SLCO3A1: variants seen among roughly 807,000 people sequenced by gnomAD.
The protein encoded by SLCO3A1 is PGE1 transporter.
Under a neutral mutation model 63.1 loss-of-function variants are expected in SLCO3A1, and 27 were observed. The ratio of observed to expected loss-of-function variants is 0.43; its 90% CI spans 0.32 to 0.59. SLCO3A1 has a LOEUF of 0.59. SLCO3A1 is among the 20% of genes least tolerant of loss of function. SLCO3A1 has a pLI of 0.09. For missense variants in SLCO3A1, 773 were observed against 945.8 expected, an observed-to-expected ratio of 0.82 and a Z score of 2.40; for synonymous variants, 473 against 409.9, an observed-to-expected ratio of 1.15 and a Z score of -1.86.
At chr15:92,109,945 A>G (rs759942952) in intron 4 of SLCO3A1, among the ~76,000 whole-genome samples, 2 of 152,110 alleles carry the variant, frequency 1.3e-5, no homozygotes, top group Non-Finnish European at 2.9e-5. Flanking sequence ...CTAGTTCTCC[A>G]GATTCCAAAT....
intron 6 of SLCO3A1, among the ~76,000 whole-genome samples, chr15:92,126,697 G>A (rs1055032543): frequency 6.6e-6 from 1 of 152,162 alleles, no homozygotes; most frequent in African/African-American, 2.4e-5. Flanking sequence ...CTTAAGTGTA[G>A]CGAGGGAAAG....
At position 92,104,478 on chromosome 15, in the gene SLCO3A1, C is replaced by G. The variant is rs776828789; in HGVS notation, c.945C>G (p.Ser315Arg). The G allele has an allele frequency of 1.9e-6, 3 of 1,614,032 alleles. No individual in the cohort carries two copies. The highest frequency in any genetic ancestry group is 2.5e-6 in the Non-Finnish European group (3 of 1,180,050). The change falls in exon 4 of 10, where the codon AGC (serine) becomes AGG (arginine). Residue 315 changes from serine to arginine, a missense_variant. Physicochemically the swap from Ser to Arg is moderately radical, Grantham distance 110. This residue lies in a region of SLCO3A1 where 565 missense variants were observed against 749.8 expected (regional missense o/e 0.75). Coordinates refer to ENST00000318445, the MANE Select transcript of SLCO3A1 (RefSeq NM_013272.4). ...GAGAATACGAGAGACCCAAGCCCAG[C>G]AACGGGGTCCTGAGGCACCCCCTGG... ...SEREYERPKP[S>R]NGVLRHPLEP...
intron 9 of SLCO3A1, among the ~76,000 whole-genome samples, chr15:92,152,080 T>G (rs2048312620): frequency 6.6e-6 from 1 of 152,248 alleles, no homozygotes; most frequent in Non-Finnish European, 1.5e-5. Flanking sequence ...GTAATAACTT[T>G]TGCAATATTT....
chr15:92,133,306 C>G (rs902072507), intron 7 of SLCO3A1, among the ~76,000 whole-genome samples: 5 of 146,652 alleles, frequency 3.4e-5, no homozygotes, highest in African/African-American at 1.2e-4. Flanking sequence ...AGCATCTAAG[C>G]TGACACTGAG....
intron 2 of SLCO3A1, among the ~76,000 whole-genome samples, chr15:91,999,095 G>A (rs372261773): frequency 2.6e-5 from 4 of 152,090 alleles, no homozygotes; most frequent in Admixed American, 6.5e-5. Flanking sequence ...TTGGGTACTC[G>A]TGGACGTAAA....
rs940737045 is a variant in SLCO3A1 at position 91,886,039 on chromosome 15, C to T, written c.181-29954C>T. On this transcript the variant is annotated intron_variant, in intron 1 of 9. Coordinates refer to ENST00000318445, the MANE Select transcript of SLCO3A1 (RefSeq NM_013272.4). This position sits in a 1 kb window ranked among gnomAD's most constrained non-coding sequence, Gnocchi z 4.9. Reference sequence around the variant, plus strand: ...GGTGGAAGACCAGACCCGGCAGGCCCCTGTGAGCCACAGGGAGGCAGAGTT... The same window carrying T: ...GGTGGAAGACCAGACCCGGCAGGCCTCTGTGAGCCACAGGGAGGCAGAGTT... Among the ~76,000 whole-genome samples the T allele has an allele frequency of 6.6e-6, 1 of 152,002 alleles. No homozygotes were observed. Among genetic ancestry groups the T allele is most frequent in the African/African-American group, 2.4e-5 (1 of 41,360 alleles).
At chr15:92,046,836 G>C (rs1312019605) in intron 2 of SLCO3A1, among the ~76,000 whole-genome samples, 1 of 149,530 alleles carries the variant, frequency 6.7e-6, no homozygotes, top group East Asian at 2.0e-4. Flanking sequence ...GTCTTCTTTA[G>C]GCAGGTGTTT....
In SLCO3A1 at chr15:91,854,684, C is replaced by T. The variant is rs575645189; in HGVS notation, c.180+596C>T. Among the ~76,000 whole-genome samples the T allele has an allele frequency of 1.3e-5, 2 of 152,280 alleles. No homozygotes were observed. Among genetic ancestry groups the T allele is most frequent in the South Asian group, 2.1e-4 (1 of 4,826 alleles). ...ATATTGCCACCCGGTATCCCTATAG[C>T]CCTCTTTGAGCGTCTGGGATAAAGT... On this transcript the variant is annotated intron_variant, in intron 1 of 9. Coordinates refer to ENST00000318445, the MANE Select transcript of SLCO3A1 (RefSeq NM_013272.4). This position sits in a 1 kb window ranked among gnomAD's most constrained non-coding sequence, Gnocchi z 6.4.
chr15:92,145,676 G>T (rs1365569044), intron 7 of SLCO3A1, among the ~76,000 whole-genome samples: 3 of 152,188 alleles, frequency 2.0e-5, no homozygotes, highest in African/African-American at 4.8e-5. Context: ...CTAGGCAGAG[G>T]TACATGAGAA....
chr15:92,159,366 T>G (rs1348092409), intron 9 of SLCO3A1, among the ~76,000 whole-genome samples: 2 of 151,870 alleles, frequency 1.3e-5, no homozygotes, highest in Non-Finnish European at 2.9e-5. Flanking sequence ...GCACCTGTAG[T>G]CCCAGCTACT....
Position 92,104,283 on chromosome 15 carries a change from C to T in SLCO3A1, c.750C>T (p.Asn250=), listed in dbSNP as rs760689488. ...YVDAVFIDTS[N]LDITPDDPRW... ...CTGTGCTCTTTCCATTTACAGGTAA[C>T]CTGGACATCACTCCGGACGACCCCC... Residue 250 remains asparagine, a synonymous_variant, in exon 4 of 10, where the codon AAC becomes AAT. Coordinates refer to ENST00000318445, the MANE Select transcript of SLCO3A1 (RefSeq NM_013272.4). 1.1e-5 allele frequency: 17 copies of T among 1,614,000 alleles called. No homozygotes were observed. Among genetic ancestry groups the T allele is most frequent in the East Asian group, 4.5e-5 (2 of 44,894 alleles).
At chr15:92,070,206 G>A (rs781705608) in intron 2 of SLCO3A1, among the ~76,000 whole-genome samples, 16 of 152,212 alleles carry the variant, frequency 1.1e-4, no homozygotes, top group Non-Finnish European at 2.2e-4. Context: ...ATGGCACCTC[G>A]TACCATTGTT....
intron 9 of SLCO3A1, among the ~76,000 whole-genome samples, chr15:92,151,770 G>A (rs1162927081): frequency 6.6e-6 from 1 of 152,172 alleles, no homozygotes; most frequent in Non-Finnish European, 1.5e-5. Flanking sequence ...CTTCCCCAGT[G>A]GACTTTAAGT....
At chr15:92,162,556 A>G in intron 9 of SLCO3A1, 200 bp from the exon 10 acceptor site, 7 of 793,406 alleles carry the variant, frequency 8.8e-6, no homozygotes, top group Non-Finnish European at 1.3e-5. Flanking sequence ...GAGGGCTTAA[A>G]TAACTTGCTC....
intron 2 of SLCO3A1, among the ~76,000 whole-genome samples, chr15:92,048,931 T>C (rs1254905711): frequency 2.6e-5 from 4 of 152,236 alleles, no homozygotes; most frequent in Non-Finnish European, 5.9e-5. Flanking sequence ...CTTTCACCAA[T>C]GGTGACTCAC....
chr15:92,165,265 T>C lies in SLCO3A1; in HGVS notation c.*2130T>C, dbSNP rs1327690713. On this transcript the variant is annotated 3_prime_UTR_variant, in exon 10 of 10. Transcript: ENST00000318445. ...GTTAGTATGTCCTTGCTTATGAAAA[T>C]GGGGACACTCATCAGTACGTTAACT... 3 of 985,382 alleles carry C rather than the reference T, an allele frequency of 3.0e-6. No homozygotes were observed. The highest frequency in any genetic ancestry group is 3.6e-6 in the Non-Finnish European group (3 of 829,904). The allele number at this position is 985,382 out of a possible 1,614,324, so 61.0% of individuals were successfully genotyped here.
In SLCO3A1 at chr15:91,863,109, G is replaced by A. The variant is rs546009363; in HGVS notation, c.180+9021G>A. ...CCTTAATGAAGATGAAAATTTCTAA[G>A]CAGCATGGACCCATATGTGTTTATT... On this transcript the variant is annotated intron_variant, in intron 1 of 9. Coordinates refer to ENST00000318445, the MANE Select transcript of SLCO3A1 (RefSeq NM_013272.4). This position sits in a 1 kb window ranked among gnomAD's most constrained non-coding sequence, Gnocchi z 4.3. 6.6e-6 allele frequency among the ~76,000 whole-genome samples: 1 copy of A among 152,356 alleles called. No homozygotes were observed. Among genetic ancestry groups the A allele is most frequent in the East Asian group, 1.9e-4 (1 of 5,194 alleles).
intron 2 of SLCO3A1, among the ~76,000 whole-genome samples, chr15:92,003,674 G>T (rs1325654020): frequency 1.3e-5 from 2 of 152,216 alleles, no homozygotes; most frequent in East Asian, 3.9e-4. Flanking sequence ...TGCAGTGGTT[G>T]TCCTGTGGGA....
At chr15:92,037,678 T>A (rs2046745192) in intron 2 of SLCO3A1, among the ~76,000 whole-genome samples, 1 of 152,220 alleles carries the variant, frequency 6.6e-6, no homozygotes, top group South Asian at 2.1e-4. Context: ...TTATTCTCAC[T>A]GTCAAGCCAA....
Sources: allele counts gnomAD v4.1 joint callset (sites outside exome capture counted in the v4.1 genomes callset), GRCh38; gene constraint gnomAD v4.1.1; regional missense constraint gnomAD v4.1.1; non-coding constraint Gnocchi (gnomAD v3.1); transcripts MANE v1.5; gene names NCBI Gene and HGNC (gene_info 2026-07-23, HGNC 2026-07-21).